RASSF4: variants seen among roughly 807,000 people sequenced by gnomAD.
RASSF4 encodes Ras association domain family member 4.
A neutral mutation model predicts 41.1 loss-of-function variants in RASSF4; 38 were observed. That is an observed-to-expected ratio of 0.92 (90% confidence interval 0.71 to 1.21). RASSF4 has a LOEUF of 1.21. Ranked by LOEUF, RASSF4 falls within the 50% of genes most tolerant of loss-of-function variation. RASSF4 has a pLI of 0.00. For synonymous variants in RASSF4, 179 were observed against 163.4 expected, an observed-to-expected ratio of 1.10 and a Z score of -0.73; for missense variants, 414 against 419.4, an observed-to-expected ratio of 0.99 and a Z score of 0.11.
intron 1 of RASSF4, among the ~76,000 whole-genome samples, chr10:44,965,117 G>T (rs1225540579): frequency 6.6e-6 from 1 of 152,258 alleles, no homozygotes; most frequent in Non-Finnish European, 1.5e-5. Flanking sequence ...TCATACACAT[G>T]TACTTAAGGT....
rs1282651399 is a variant in RASSF4 at position 44,991,961 on chromosome 10, A to G, written c.864A>G (p.Leu288=). The change falls in exon 10 of 11, where the codon TTA becomes TTG. Residue 288 remains leucine, a synonymous_variant. Coordinates refer to ENST00000340258, the MANE Select transcript of RASSF4 (RefSeq NM_032023.4). ...TGCTGGACAGTTTTGTTGAAAAATT[A>G]AAAGAAGAGGAAGAAAGAGAAATAA... ...MPVLDSFVEK[L]KEEEEREIIK... is the part of the protein sequence containing the mutation. 2.5e-6 allele frequency: 4 copies of G among 1,613,276 alleles called. No individual in the cohort carries two copies. The highest frequency in any genetic ancestry group is 2.5e-6 in the Non-Finnish European group (3 of 1,179,242).
At position 44,993,263 on chromosome 10, in the gene RASSF4, C is replaced by T. The variant is rs946036717; in HGVS notation, c.906-6C>T. ...AGTGAGTCCTCTTGGCGATGTCTCC[C>T]TCCAGGTTCCAAGCCCTGCGTCTGA... is the stretch of plus-strand genomic sequence containing the variant. On this transcript the variant is annotated splice_region_variant and splice_polypyrimidine_tract_variant and intron_variant, in intron 10 of 10. Coordinates refer to ENST00000340258, the MANE Select transcript of RASSF4 (RefSeq NM_032023.4). 1 of 1,609,858 alleles carries T rather than the reference C, an allele frequency of 6.2e-7. No homozygotes were observed. Among genetic ancestry groups the T allele is most frequent in the Non-Finnish European group, 8.5e-7 (1 of 1,179,560 alleles).
intron 1 of RASSF4, among the ~76,000 whole-genome samples, chr10:44,965,597 C>T (rs1009680533): frequency 6.6e-6 from 1 of 152,228 alleles, no homozygotes; most frequent in Non-Finnish European, 1.5e-5. Context: ...GAGAGACTCT[C>T]TTTGTGTGGA....
rs376378912 is a variant in RASSF4, at chr10:44,984,693, G to A, written c.374-120G>A. 6.6e-4 allele frequency: 744 copies of A among 1,122,730 alleles called. 1 individual carries two copies. Among genetic ancestry groups the A allele is most frequent in the Non-Finnish European group, 8.8e-4 (672 of 764,678 alleles). The allele number at this position is 1,122,730 out of a possible 1,614,324, so 69.5% of individuals were successfully genotyped here. On this transcript the variant is annotated intron_variant, in intron 5 of 10. Coordinates refer to ENST00000340258, the MANE Select transcript of RASSF4 (RefSeq NM_032023.4). ...CCTCCAGTCCAGGAATGGCCCTCAC[G>A]TCCCCATCTGCCCCAGTGCACGTGA...
intron 1 of RASSF4, among the ~76,000 whole-genome samples, chr10:44,967,304 G>A (rs151330847): frequency 3.0e-4 from 45 of 152,326 alleles, no homozygotes; most frequent in African/African-American, 1.1e-3. Flanking sequence ...TGCTGGCCTG[G>A]AAGGGACCCA....
chr10:44,960,685 A>G (rs1840676993), intron 1 of RASSF4, among the ~76,000 whole-genome samples: 2 of 152,190 alleles, frequency 1.3e-5, no homozygotes, highest in Non-Finnish European at 2.9e-5. Flanking sequence ...CTTTCTTAAA[A>G]CACAGTAAGG....
At position 44,995,609 on chromosome 10, in the gene RASSF4, C is replaced by T. The variant is rs1588857220; in HGVS notation, c.*2280C>T. On this transcript the variant is annotated 3_prime_UTR_variant, in exon 11 of 11. Transcript: ENST00000340258. ...GGTCAGAAAAATCACTAGCAAGTGG[C>T]TCAGAAAAAGGGAAAAGGTACACTT... 6.6e-6 allele frequency: 1 copy of T among 152,200 alleles called. No homozygotes were observed. The highest frequency in any genetic ancestry group is 1.5e-5 in the Non-Finnish European group (1 of 68,022). The allele number at this position is 152,200 out of a possible 1,614,324, so 9.4% of individuals were successfully genotyped here.
At chr10:44,970,990 TG>T (rs1841131606) in intron 2 of RASSF4, 3 of 170,908 alleles carry the variant, frequency 1.8e-5, no homozygotes, top group African/African-American at 7.2e-5. Flanking sequence ...ACCTCCCACC[TG>T]GCCCCACCTC....
chr10:44,990,136 G>A (rs1200824690), intron 8 of RASSF4, among the ~76,000 whole-genome samples: 6 of 152,174 alleles, frequency 3.9e-5, no homozygotes, highest in African/African-American at 1.2e-4. Flanking sequence ...GGTGCGTGTC[G>A]CAGTGCATCA....
At chr10:44,971,575 C>T (rs930347552) in intron 2 of RASSF4, 198 bp from the exon 3 acceptor site, 26 of 683,216 alleles carry the variant, frequency 3.8e-5, no homozygotes, top group African/African-American at 3.0e-4. Context: ...GACCCCCATG[C>T]CCCCCACCAG....
At chr10:44,987,722 C>T (rs1260045250) in intron 6 of RASSF4, among the ~76,000 whole-genome samples, 3 of 151,152 alleles carry the variant, frequency 2.0e-5, no homozygotes, top group Non-Finnish European at 4.4e-5. Context: ...TTTTCCAACA[C>T]TATGTGCTCA....
rs1352174094 is a variant in RASSF4, at chr10:44,971,745, G to C, written c.63-28G>C. ...AAGCTGAGGCCCTGCCACACCCTAG[G>C]AGTACATGTGTGTCTTTCCCTTTTT... On this transcript the variant is annotated intron_variant, in intron 2 of 10. Coordinates refer to ENST00000340258, the MANE Select transcript of RASSF4 (RefSeq NM_032023.4). 3.8e-6 allele frequency: 6 copies of C among 1,579,020 alleles called. No individual in the cohort carries two copies. The South Asian group carries it at 6.6e-5, about 17-fold the overall frequency.
At chr10:44,983,995 C>G (rs1162006282) in intron 4 of RASSF4, 27 bp from the exon 5 acceptor site, 3 of 1,570,692 alleles carry the variant, frequency 1.9e-6, no homozygotes, top group African/African-American at 2.7e-5. Flanking sequence ...CGGCAGCCAT[C>G]TCAGCCCTGC....
rs144526367 is a variant in RASSF4, at chr10:44,984,030, C to T, written c.290C>T (p.Pro97Leu). Residue 97 changes from proline (P) to leucine (L), a missense_variant, in exon 5 of 11, where the codon CCA becomes CTA. Coordinates refer to ENST00000340258, the MANE Select transcript of RASSF4 (RefSeq NM_032023.4). ...CAGTTGTCTGTTTTCAGAAAGGAGC[C>T]ATCGCCCCAGAACGGGAACATCACA... is the stretch of plus-strand genomic sequence containing the variant. Reference protein sequence around the residue: ...PRRPSCPLKEPSPQNGNITAQ... With the variant: ...PRRPSCPLKELSPQNGNITAQ... 13 of 1,599,122 alleles carry T rather than the reference C, an allele frequency of 8.1e-6. No homozygotes were observed. The African/African-American group carries it at 1.6e-4, about 20-fold the overall frequency.
intron 1 of RASSF4, among the ~76,000 whole-genome samples, chr10:44,967,766 C>T (rs182015654): frequency 1.8e-4 from 28 of 152,242 alleles, no homozygotes; most frequent in East Asian, 1.7e-3. Flanking sequence ...AAGCACCCCC[C>T]GCCCTCACCC....
Position 44,991,928 on chromosome 10 carries a change from A to G in RASSF4, c.831A>G (p.Glu277=). The change falls in exon 10 of 11, where the codon GAA becomes GAG. Residue 277 remains glutamate, a synonymous_variant. Transcript: ENST00000340258. ...PHEVAQYIKF[E]MPVLDSFVEK... ...AGGTCGCTCAGTACATTAAGTTTGAAATGCCGGTGCTGGACAGTTTTGTTG... is the reference window on the plus strand; with the variant it reads ...AGGTCGCTCAGTACATTAAGTTTGAGATGCCGGTGCTGGACAGTTTTGTTG... 6.2e-7 allele frequency: 1 copy of G among 1,613,342 alleles called. No homozygotes were observed. Among genetic ancestry groups the G allele is most frequent in the East Asian group, 2.2e-5 (1 of 44,894 alleles).
chr10:44,994,774 G>A lies in RASSF4; in HGVS notation c.*1445G>A, dbSNP rs571830867. 102 of 140,878 alleles carry A rather than the reference G, an allele frequency of 7.2e-4. No individual in the cohort carries two copies. The highest frequency in any genetic ancestry group is 2.7e-3 in the African/African-American group (98 of 36,980). 8.7% of individuals were successfully genotyped at this position (140,878 alleles called of 1,614,324 possible). ...TTTCTGTGCATCCACCCTGACCCCC[G>A]GCTCTAACTTCTGAAACTCTTATCC... On this transcript the variant is annotated 3_prime_UTR_variant, in exon 11 of 11. Transcript: ENST00000340258.
intron 3 of RASSF4, among the ~76,000 whole-genome samples, chr10:44,974,067 C>T (rs1029462788): frequency 1.3e-5 from 2 of 152,198 alleles, no homozygotes; most frequent in African/African-American, 4.8e-5. Flanking sequence ...CCACATAAGA[C>T]GAGGCTTTAG....
intron 10 of RASSF4, 36 bp from the exon 11 acceptor site, chr10:44,993,233 G>C (rs771714042): frequency 6.2e-7 from 1 of 1,600,242 alleles, no homozygotes; most frequent in South Asian, 1.1e-5. Flanking sequence ...GCCCTGTCTG[G>C]CCTCAGTGAG....
Sources: allele counts gnomAD v4.1 joint callset (sites outside exome capture counted in the v4.1 genomes callset), GRCh38; gene constraint gnomAD v4.1.1; transcripts MANE v1.5; gene names NCBI Gene and HGNC (gene_info 2026-07-23, HGNC 2026-07-21).